Variants in PRKCB observed in about 807,000 individuals in gnomAD.
The protein encoded by PRKCB is protein kinase C beta type.
PRKCB carries 13 observed loss-of-function variants against 81.5 expected under a neutral mutation model. The observed-to-expected ratio is 0.16, with a 90% confidence interval of 0.10 to 0.25. The LOEUF is 0.25. Ranked by LOEUF, PRKCB falls within the 10% of genes least tolerant of loss-of-function variation. The pLI, the probability that PRKCB is intolerant of heterozygous loss-of-function variation, is 1.00. For synonymous variants in PRKCB, 335 were observed against 321.4 expected (o/e 1.04, Z -0.45); for missense variants, 509 against 875.7 (o/e 0.58, Z 5.29).
chr16:23,916,079 G>T lies in PRKCB; in HGVS notation c.206-72429G>T, dbSNP rs374733213. 7.9e-5 allele frequency among the ~76,000 whole-genome samples: 12 copies of T among 151,912 alleles called. 1 individual carries two copies. In the South Asian group the frequency reaches 1.9e-3, roughly 24 times the overall value. On this transcript the variant is annotated intron_variant, in intron 2 of 16. Coordinates refer to ENST00000643927, the MANE Select transcript of PRKCB (RefSeq NM_002738.7). ...TTTAATTTTAATTTTTTAGAGACAG[G>T]ATCTTGCTCAGTTGCCCAGGCTGGA...
At chr16:24,032,398 C>A in intron 4 of PRKCB, 151 bp downstream of exon 4, 2 of 573,034 alleles carry the variant, frequency 3.5e-6, no homozygotes, top group Non-Finnish European at 6.2e-6. Context: ...CATAATGATC[C>A]TCCCACCCCA....
chr16:24,163,499 T>C (rs1464412186), intron 10 of PRKCB, among the ~76,000 whole-genome samples: 1 of 152,240 alleles, frequency 6.6e-6, no homozygotes, highest in Non-Finnish European at 1.5e-5. Context: ...CTTTGCATAT[T>C]CATTCAATAA....
intron 2 of PRKCB, among the ~76,000 whole-genome samples, chr16:23,947,671 G>A (rs919595787): frequency 3.9e-5 from 6 of 152,080 alleles, no homozygotes; most frequent in Admixed American, 3.3e-4. Context: ...GAGTTAGGAG[G>A]AGTAAAGGTA....
rs74819148 is a variant in PRKCB at position 23,840,005 on chromosome 16, C to A, written c.205+2599C>A. On this transcript the variant is annotated intron_variant, in intron 2 of 16. Coordinates refer to ENST00000643927, the MANE Select transcript of PRKCB (RefSeq NM_002738.7). Reference sequence around the variant, plus strand: ...ATGAACTTCTGGTCACTCTGTGTAGCTGCTTTGACAGCATATTCCATTTGG... The same window carrying A: ...ATGAACTTCTGGTCACTCTGTGTAGATGCTTTGACAGCATATTCCATTTGG... 7.5e-3 allele frequency among the ~76,000 whole-genome samples: 1,139 copies of A among 152,292 alleles called. 40 individuals carry two copies. In the East Asian group the frequency reaches 0.1, roughly 14 times the overall value.
chr16:24,209,418 C>A (rs1048347745), intron 16 of PRKCB, among the ~76,000 whole-genome samples: 2 of 152,176 alleles, frequency 1.3e-5, no homozygotes, highest in African/African-American at 4.8e-5. Context: ...AATCCCCACA[C>A]TGCAGCTGAG....
chr16:24,075,666 C>G (rs1404749472), intron 5 of PRKCB, among the ~76,000 whole-genome samples: 1 of 152,174 alleles, frequency 6.6e-6, no homozygotes, highest in Non-Finnish European at 1.5e-5. Context: ...GTAGGAACAA[C>G]GAGGTTGCAA....
At chr16:23,884,187 T>C (rs937237338) in intron 2 of PRKCB, among the ~76,000 whole-genome samples, 5 of 152,190 alleles carry the variant, frequency 3.3e-5, no homozygotes, top group Non-Finnish European at 7.3e-5. Context: ...TATAAGTTCT[T>C]ATGCAAGCTT....
At chr16:24,125,431 A>G (rs1335956969) in intron 9 of PRKCB, among the ~76,000 whole-genome samples, 1 of 152,112 alleles carries the variant, frequency 6.6e-6, no homozygotes, top group Non-Finnish European at 1.5e-5. Context: ...TTCCTCCCTT[A>G]GAGGCTTTGT....
At chr16:24,007,098 C>T (rs763828557) in intron 3 of PRKCB, among the ~76,000 whole-genome samples, 3 of 152,124 alleles carry the variant, frequency 2.0e-5, no homozygotes, top group Non-Finnish European at 4.4e-5. Context: ...CCAGTTTGGC[C>T]ACTAACTAGC....
At chr16:24,145,953 AGTTAAGATGTG>A (rs1282204315) in intron 9 of PRKCB, among the ~76,000 whole-genome samples, 1 of 152,212 alleles carries the variant, frequency 6.6e-6, no homozygotes, top group Non-Finnish European at 1.5e-5. Context: ...GTTATAAGCA[AGTTAAGATGTG>A]GTCACTCTGG....
intron 5 of PRKCB, among the ~76,000 whole-genome samples, chr16:24,076,406 C>G (rs1361309818): frequency 1.3e-5 from 2 of 152,182 alleles, no homozygotes; most frequent in East Asian, 3.9e-4. Context: ...GGGGCCTTAT[C>G]TGCTTCTTCA....
At chr16:24,107,148 G>A (rs542839475) in intron 7 of PRKCB, among the ~76,000 whole-genome samples, 165 of 152,128 alleles carry the variant, frequency 1.1e-3, no homozygotes, top group African/African-American at 3.6e-3. Flanking sequence ...TTTTTCTTCC[G>A]AAAGTAGTCT....
rs1248052567 is a variant in PRKCB, at chr16:24,220,088, A to G, written c.*5272A>G. ...GAATTTGCTGGCTTCTCTTATACTA[A>G]CCCAGAGTTTGTCATTAATGTGTAG... On this transcript the variant is annotated 3_prime_UTR_variant, in exon 17 of 17. Transcript: ENST00000643927. 3.7e-6 allele frequency: 6 copies of G among 1,614,022 alleles called. No individual in the cohort carries two copies. Among genetic ancestry groups the G allele is most frequent in the East Asian group, 2.2e-5 (1 of 44,882 alleles).
chr16:24,187,387 G>A (rs1424766561), intron 15 of PRKCB, among the ~76,000 whole-genome samples: 1 of 152,144 alleles, frequency 6.6e-6, no homozygotes, highest in Non-Finnish European at 1.5e-5. Flanking sequence ...TGCAGATTGG[G>A]GATAATAATA....
chr16:24,040,409 C>T (rs1965684082), intron 5 of PRKCB, among the ~76,000 whole-genome samples: 8 of 152,208 alleles, frequency 5.3e-5, no homozygotes. Context: ...CTCTTCCTCT[C>T]GATCTCGGTT....
intron 2 of PRKCB, among the ~76,000 whole-genome samples, chr16:23,856,279 T>G (rs1299348509): frequency 2.6e-5 from 4 of 152,100 alleles, no homozygotes; most frequent in African/African-American, 9.7e-5. Context: ...TCACAGGAGA[T>G]TCCAACTTGT....
chr16:23,877,467 T>A (rs1007860616), intron 2 of PRKCB, among the ~76,000 whole-genome samples: 1 of 152,214 alleles, frequency 6.6e-6, no homozygotes, highest in African/African-American at 2.4e-5. Flanking sequence ...TTGACCCCTC[T>A]ACAATCCCAT....
chr16:24,069,697 A>G (rs1966083347), intron 5 of PRKCB, among the ~76,000 whole-genome samples: 1 of 152,162 alleles, frequency 6.6e-6, no homozygotes, highest in South Asian at 2.1e-4. Flanking sequence ...TCGTGATTGC[A>G]CTACTGTACT....
intron 9 of PRKCB, among the ~76,000 whole-genome samples, chr16:24,128,051 GAAAAC>G (rs369204846): frequency 3.3e-5 from 5 of 151,392 alleles, no homozygotes; most frequent in Non-Finnish European, 5.9e-5. Context: ...CTTAACCCAG[GAAAAC>G]AAAACAAAAC....
Sources: allele counts gnomAD v4.1 joint callset (sites outside exome capture counted in the v4.1 genomes callset), GRCh38; gene constraint gnomAD v4.1.1; transcripts MANE v1.5; gene names NCBI Gene and HGNC (gene_info 2026-07-23, HGNC 2026-07-21).